Variants in RSPH14 observed in about 807,000 individuals in gnomAD.
RSPH14 encodes the protein radial spoke head 14 homolog.
RSPH14 carries 20 observed loss-of-function variants against 26.7 expected under a neutral mutation model. The observed-to-expected ratio is 0.75, with a 90% CI of 0.53 to 1.09. RSPH14 has a LOEUF of 1.09. Ranked by LOEUF, RSPH14 falls within the 50% of genes least tolerant of loss-of-function variation. The pLI, the probability that RSPH14 is intolerant of heterozygous loss-of-function variation, is 0.00. For synonymous variants in RSPH14, 177 were observed against 189.3 expected, an observed-to-expected ratio of 0.93 and a Z score of 0.53; for missense variants, 449 against 457.2, an observed-to-expected ratio of 0.98 and a Z score of 0.16.
the RSPH14 span, chr22:23,163,606 G>GC: frequency 0.12 from 15,556 of 125,306 alleles, 1,758 homozygotes; most frequent in Non-Finnish European, 0.16. Flanking sequence ...CAAGGTGAAA[G>GC]CCCCCCCCCC....
intron 4 of RSPH14, among the ~76,000 whole-genome samples, chr22:23,107,768 A>G (rs2330338): frequency 0.39 from 59,192 of 152,056 alleles, 13,601 homozygotes; most frequent in African/African-American, 0.65. Context: ...ATTTTCATTC[A>G]CCAGAATACG....
chr22:23,156,170 C>T, the RSPH14 span: 3 of 521,014 alleles, frequency 5.8e-6, no homozygotes, highest in Admixed American at 1.3e-4. Context: ...CACCAGGCCA[C>T]TGCTTGGGAA....
At chr22:23,085,184 C>T (rs980023071) in intron 4 of RSPH14, among the ~76,000 whole-genome samples, 2 of 152,220 alleles carry the variant, frequency 1.3e-5, no homozygotes, top group African/African-American at 4.8e-5. Flanking sequence ...CACCCCACCC[C>T]TTGATGTCCT....
At chr22:23,146,101 G>GCCTGCCC, upstream of RSPH14, 2 of 832,532 alleles carry the variant, frequency 2.4e-6, no homozygotes, top group Non-Finnish European at 2.9e-6. Context: ...TGACTCCCAG[G>GCCTGCCC]CAGGGTGGGG....
chr22:23,158,760 G>C, the RSPH14 span: 1 of 734,404 alleles, frequency 1.4e-6, no homozygotes, highest in South Asian at 1.6e-5. Flanking sequence ...ATCCTGCTCA[G>C]CCAGTGTGGG....
intron 4 of RSPH14, chr22:23,096,060 C>G (rs758676841): frequency 6.2e-7 from 1 of 1,607,732 alleles, no homozygotes; most frequent in Non-Finnish European, 8.5e-7. Flanking sequence ...GAGATCACAC[C>G]CGAGCTGCTG....
chr22:23,173,165 C>T, the RSPH14 span, among the ~76,000 whole-genome samples: 6 of 151,882 alleles, frequency 4.0e-5, no homozygotes, highest in Non-Finnish European at 8.8e-5. Context: ...GACGGAGTCT[C>T]GCTCTGTCAC....
At chr22:23,065,288 G>A (rs2068181994) in intron 4 of RSPH14, among the ~76,000 whole-genome samples, 1 of 152,080 alleles carries the variant, frequency 6.6e-6, no homozygotes, top group Admixed American at 6.5e-5. Context: ...GAAAGGCGGA[G>A]CAGGGTGCTG....
the RSPH14 span, among the ~76,000 whole-genome samples, chr22:23,172,680 T>C: frequency 2.5e-5 from 3 of 118,142 alleles, no homozygotes; most frequent in African/African-American, 1.0e-4. Flanking sequence ...CTGGGCACGG[T>C]GGCTCACACC....
At chr22:23,160,887 G>A in the RSPH14 span, 32 of 1,613,488 alleles carry the variant, frequency 2.0e-5, no homozygotes, top group East Asian at 5.1e-4. Context: ...AGGCGAGAAC[G>A]TGAAGGCATT....
the RSPH14 span, among the ~76,000 whole-genome samples, chr22:23,158,640 C>T: frequency 2.0e-5 from 3 of 152,172 alleles, no homozygotes; most frequent in Non-Finnish European, 2.9e-5. Flanking sequence ...AAGGTCTCAC[C>T]GGGAGAGGCC....
intron 4 of RSPH14, among the ~76,000 whole-genome samples, chr22:23,064,678 C>T (rs976665752): frequency 2.0e-5 from 3 of 152,172 alleles, no homozygotes; most frequent in Admixed American, 6.5e-5. Context: ...GTCACACTCA[C>T]CAAAAAGAGC....
the RSPH14 span, among the ~76,000 whole-genome samples, chr22:23,165,921 C>T: frequency 3.9e-5 from 6 of 152,096 alleles, no homozygotes; most frequent in African/African-American, 7.2e-5. Flanking sequence ...CCAAGGCGGG[C>T]GGATCACGAG....
chr22:23,068,985 T>C (rs745931385), intron 4 of RSPH14, among the ~76,000 whole-genome samples: 3 of 152,186 alleles, frequency 2.0e-5, no homozygotes, highest in Non-Finnish European at 4.4e-5. Flanking sequence ...TTCGCCTCCA[T>C]GATGCCCATA....
chr22:23,159,005 G>A, the RSPH14 span: 1 of 1,611,482 alleles, frequency 6.2e-7, no homozygotes, highest in Non-Finnish European at 8.5e-7. Context: ...CTGGTGGTCT[G>A]GGTGGCCCTT....
chr22:23,159,384 C>T, the RSPH14 span: 24 of 860,566 alleles, frequency 2.8e-5, no homozygotes, highest in Non-Finnish European at 3.7e-5. Flanking sequence ...TGCACACTGG[C>T]ATCACAGCCC....
intron 4 of RSPH14, among the ~76,000 whole-genome samples, chr22:23,090,201 T>G (rs1210107491): frequency 6.6e-6 from 1 of 152,056 alleles, no homozygotes; most frequent in Non-Finnish European, 1.5e-5. Context: ...CCTTTCCCAG[T>G]ACCTGCCACT....
the RSPH14 span, among the ~76,000 whole-genome samples, chr22:23,172,415 C>CAAA: frequency 3.4e-5 from 2 of 59,366 alleles, no homozygotes; most frequent in African/African-American, 6.5e-5. Flanking sequence ...GATTCTGTCT[C>CAAA]AAAAAAAAAA....
chr22:23,111,361 A>G (rs1394896850), intron 4 of RSPH14, among the ~76,000 whole-genome samples: 2 of 152,198 alleles, frequency 1.3e-5, no homozygotes, highest in Non-Finnish European at 2.9e-5. Context: ...GAGAGAGGCA[A>G]GCGCACTGGA....
Sources: gnomAD v4.1 joint callset for allele counts (sites outside exome capture counted in the v4.1 genomes callset) on GRCh38, gnomAD v4.1.1 for gene constraint, MANE v1.5 for transcripts, NCBI Gene and HGNC (gene_info 2026-07-23, HGNC 2026-07-21) for gene names.